GRM1: variants seen among roughly 807,000 people sequenced by gnomAD.
GRM1 encodes the protein metabotropic glutamate receptor 1.
In GRM1, 33 loss-of-function variants were observed where a neutral mutation model predicts 90.9. The observed-to-expected ratio is 0.36, with a 90% CI of 0.28 to 0.49. The LOEUF (loss-of-function observed/expected upper bound fraction) is 0.49. Ranked by LOEUF, GRM1 falls within the 20% of genes least tolerant of loss-of-function variation. The pLI is 0.99. For missense variants in GRM1, 1,190 were observed against 1,534.3 expected (o/e 0.78, Z 3.75); for synonymous variants, 700 against 613.2 (o/e 1.14, Z -2.09).
chr6:146,339,516 C>A (rs957407200), intron 3 of GRM1, among the ~76,000 whole-genome samples: 2 of 152,080 alleles, frequency 1.3e-5, no homozygotes, highest in Non-Finnish European at 2.9e-5. Context: ...TGAGTGATAG[C>A]TTATAGTCAT....
chr6:146,291,283 A>G (rs1337657083), intron 2 of GRM1, among the ~76,000 whole-genome samples: 1 of 151,766 alleles, frequency 6.6e-6, no homozygotes, highest in African/African-American at 2.4e-5. Context: ...CCAATTTAAT[A>G]TATTATTTTT....
chr6:146,116,033 C>T (rs573759539), intron 1 of GRM1, among the ~76,000 whole-genome samples: 4 of 152,276 alleles, frequency 2.6e-5, no homozygotes, highest in South Asian at 2.1e-4. Flanking sequence ...TCAATGCAAC[C>T]TCTGCCTCCT....
At chr6:146,295,604 T>C (rs1310775423) in intron 2 of GRM1, among the ~76,000 whole-genome samples, 1 of 152,226 alleles carries the variant, frequency 6.6e-6, no homozygotes, top group African/African-American at 2.4e-5. Context: ...AGGTTTTGTA[T>C]CTAGTTTTAG....
At chr6:146,322,518 T>C (rs556589247) in intron 3 of GRM1, among the ~76,000 whole-genome samples, 1 of 152,370 alleles carries the variant, frequency 6.6e-6, no homozygotes, top group Non-Finnish European at 1.5e-5. Context: ...TGAGGTGCTC[T>C]GTCCCAGGGA....
intron 1 of GRM1, among the ~76,000 whole-genome samples, chr6:146,120,648 G>A (rs1418576646): frequency 6.6e-6 from 1 of 152,142 alleles, no homozygotes; most frequent in Non-Finnish European, 1.5e-5. Context: ...TTAGCGTGAA[G>A]AGTTGTTGAA....
At chr6:146,286,827 G>A (rs977441163) in intron 2 of GRM1, among the ~76,000 whole-genome samples, 2 of 152,182 alleles carry the variant, frequency 1.3e-5, no homozygotes, top group Non-Finnish European at 2.9e-5. Context: ...TCTGAAAAAT[G>A]TCTTAAAACT....
intron 2 of GRM1, among the ~76,000 whole-genome samples, chr6:146,238,860 C>A (rs1395299584): frequency 1.3e-5 from 2 of 152,108 alleles, no homozygotes; most frequent in African/African-American, 4.8e-5. Flanking sequence ...CCTTGCCTCT[C>A]CCACTTTTCA....
intron 5 of GRM1, among the ~76,000 whole-genome samples, chr6:146,362,073 T>C (rs758042320): frequency 3.3e-5 from 5 of 152,186 alleles, no homozygotes; most frequent in Non-Finnish European, 7.3e-5. Context: ...CCCTCTCTCC[T>C]CTCTCTGCTC....
At chr6:146,061,999 A>G (rs1443575565) in intron 1 of GRM1, among the ~76,000 whole-genome samples, 1 of 152,192 alleles carries the variant, frequency 6.6e-6, no homozygotes, top group African/African-American at 2.4e-5. Flanking sequence ...TACTGGGTAT[A>G]TATCCAAAGG....
chr6:146,187,626 C>T (rs773607588), intron 2 of GRM1, among the ~76,000 whole-genome samples: 2 of 151,794 alleles, frequency 1.3e-5, no homozygotes, highest in South Asian at 2.1e-4. Flanking sequence ...ACATATTTCA[C>T]GGACAACAAC....
chr6:146,120,600 G>A (rs1425532971), intron 1 of GRM1, among the ~76,000 whole-genome samples: 1 of 152,146 alleles, frequency 6.6e-6, no homozygotes. Context: ...TTATTATTTT[G>A]AGATACGTCC....
intron 6 of GRM1, among the ~76,000 whole-genome samples, chr6:146,397,577 A>C (rs1777011750): frequency 6.6e-6 from 1 of 151,756 alleles, no homozygotes; most frequent in African/African-American, 2.4e-5. Context: ...TTCTCTGAGC[A>C]GAAGACTATT....
At chr6:146,129,221 C>G (rs1021864316) in intron 1 of GRM1, among the ~76,000 whole-genome samples, 2 of 151,984 alleles carry the variant, frequency 1.3e-5, no homozygotes, top group African/African-American at 4.8e-5. Flanking sequence ...ATGTGTAGTA[C>G]AGGAAGGAGA....
At chr6:146,140,810 T>C (rs1057451419) in intron 1 of GRM1, among the ~76,000 whole-genome samples, 2 of 152,366 alleles carry the variant, frequency 1.3e-5, no homozygotes, top group Admixed American at 6.5e-5. Context: ...TTGTTTCTAT[T>C]TATATCTTAC....
chr6:146,201,981 A>G (rs1161122005), intron 2 of GRM1, among the ~76,000 whole-genome samples: 1 of 152,170 alleles, frequency 6.6e-6, no homozygotes, highest in African/African-American at 2.4e-5. Flanking sequence ...AATGCTGAAC[A>G]TGACTTAGCA....
At chr6:146,411,825 A>G (rs569467692) in intron 7 of GRM1, among the ~76,000 whole-genome samples, 2 of 152,280 alleles carry the variant, frequency 1.3e-5, no homozygotes, top group Non-Finnish European at 2.9e-5. Flanking sequence ...GGGCTACAAG[A>G]CCTATAAAAG....
At chr6:146,033,430 G>A (rs1790775831) in intron 1 of GRM1, among the ~76,000 whole-genome samples, 1 of 152,020 alleles carries the variant, frequency 6.6e-6, no homozygotes, top group Admixed American at 6.6e-5. Flanking sequence ...AAAAATAACT[G>A]TAGTTAATAA....
chr6:146,419,185 A>G (rs1196115480), intron 7 of GRM1, among the ~76,000 whole-genome samples: 3 of 152,222 alleles, frequency 2.0e-5, no homozygotes, highest in Non-Finnish European at 4.4e-5. Flanking sequence ...GAACCTAAAC[A>G]TTATCAAAGA....
intron 3 of GRM1, among the ~76,000 whole-genome samples, chr6:146,308,546 A>G (rs1370675949): frequency 6.6e-6 from 1 of 152,216 alleles, no homozygotes; most frequent in African/African-American, 2.4e-5. Flanking sequence ...AAAAAACAAG[A>G]CAACAATCTT....
Sources: gnomAD v4.1 joint callset for allele counts (sites outside exome capture counted in the v4.1 genomes callset) on GRCh38, gnomAD v4.1.1 for gene constraint, MANE v1.5 for transcripts, NCBI Gene and HGNC (gene_info 2026-07-23, HGNC 2026-07-21) for gene names.